NFATC2: variants seen among roughly 807,000 people sequenced by gnomAD.
The protein encoded by NFATC2 is nuclear factor of activated T-cells, cytoplasmic 2.
In NFATC2, 22 loss-of-function variants were observed where a neutral mutation model predicts 87.3. That is an observed-to-expected ratio of 0.25 (90% CI 0.18 to 0.36). The LOEUF (loss-of-function observed/expected upper bound fraction) is 0.36, where lower values mean the gene tolerates loss of function less well. NFATC2 is among the 10% of genes least tolerant of loss of function. The probability of loss-of-function intolerance (pLI) is 1.00; values close to 1 mark genes in which losing one functional copy is unlikely to be tolerated. For missense variants in NFATC2, 1,149 were observed against 1,259.1 expected (o/e 0.91, Z 1.32); for synonymous variants, 565 against 542.2 (o/e 1.04, Z -0.58).
At chr20:51,437,004 C>A (rs1983674855) in intron 6 of NFATC2, among the ~76,000 whole-genome samples, 1 of 151,770 alleles carries the variant, frequency 6.6e-6, no homozygotes, top group African/African-American at 2.4e-5. Context: ...CAGCAGACAG[C>A]CTGGATCTCA....
At chr20:51,430,200 A>C (rs1211913469) in intron 9 of NFATC2, among the ~76,000 whole-genome samples, 3 of 152,150 alleles carry the variant, frequency 2.0e-5, no homozygotes, top group Non-Finnish European at 4.4e-5. Context: ...CCCTAGGTGC[A>C]GAGTCAGCTG....
chr20:51,451,257 AG>A (rs1195369995), intron 6 of NFATC2, among the ~76,000 whole-genome samples: 1 of 152,192 alleles, frequency 6.6e-6, no homozygotes, highest in Non-Finnish European at 1.5e-5. Context: ...GCTGAGACGC[AG>A]AGGGGAAGGC....
At chr20:51,456,977 CCAACCCCAGCT>C (rs1297403964) in intron 5 of NFATC2, among the ~76,000 whole-genome samples, 2 of 152,228 alleles carry the variant, frequency 1.3e-5, no homozygotes, top group African/African-American at 4.8e-5. Flanking sequence ...ATGGCTTTTC[CCAACCCCAGCT>C]CAGCCCAGGC....
At chr20:51,461,507 T>TG (rs568474942) in intron 5 of NFATC2, among the ~76,000 whole-genome samples, 3 of 152,064 alleles carry the variant, frequency 2.0e-5, no homozygotes, top group African/African-American at 4.8e-5. Context: ...TAAAGTGGCT[T>TG]GGGGGGGCTC....
At chr20:51,451,544 G>T (rs1023265293) in intron 6 of NFATC2, among the ~76,000 whole-genome samples, 7 of 152,218 alleles carry the variant, frequency 4.6e-5, no homozygotes, top group African/African-American at 1.7e-4. Context: ...CAATAATGCT[G>T]AGGCTAAAAA....
At chr20:51,397,756 G>A (rs527343380) in intron 10 of NFATC2, among the ~76,000 whole-genome samples, 2 of 152,250 alleles carry the variant, frequency 1.3e-5, no homozygotes, top group African/African-American at 4.8e-5. Flanking sequence ...CCATCCTCTG[G>A]CAATCATGCT....
chr20:51,487,831 A>G (rs1382641959), intron 3 of NFATC2, among the ~76,000 whole-genome samples: 1 of 151,632 alleles, frequency 6.6e-6, no homozygotes, highest in African/African-American at 2.4e-5. Context: ...AGGAGAAGGC[A>G]GACGTGATGT....
intron 6 of NFATC2, among the ~76,000 whole-genome samples, chr20:51,436,772 T>A (rs2146357340): frequency 6.6e-6 from 1 of 152,168 alleles, no homozygotes. Flanking sequence ...GTAAATAATT[T>A]TAAAAAGCAT....
At chr20:51,459,988 G>GA in intron 5 of NFATC2, among the ~76,000 whole-genome samples, 1 of 152,172 alleles carries the variant, frequency 6.6e-6, no homozygotes, top group Non-Finnish European at 1.5e-5. Flanking sequence ...TTGCATACTT[G>GA]AAAATAGCTA....
chr20:51,548,238 TA>T (rs1329074771), intron 1 of NFATC2, among the ~76,000 whole-genome samples: 1 of 152,154 alleles, frequency 6.6e-6, no homozygotes. Flanking sequence ...GCCTGGCCAC[TA>T]CCTTACTTTG....
At chr20:51,461,487 T>C (rs1185558570) in intron 5 of NFATC2, among the ~76,000 whole-genome samples, 1 of 152,250 alleles carries the variant, frequency 6.6e-6, no homozygotes, top group Non-Finnish European at 1.5e-5. Flanking sequence ...CCCTGGATTC[T>C]GGCACGTCAT....
intron 3 of NFATC2, among the ~76,000 whole-genome samples, chr20:51,499,175 G>A (rs2076039496): frequency 6.6e-6 from 1 of 152,186 alleles, no homozygotes; most frequent in Admixed American, 6.5e-5. Flanking sequence ...GTAGACCAAG[G>A]TACACTCTGA....
intron 5 of NFATC2, among the ~76,000 whole-genome samples, chr20:51,465,711 A>T (rs776059580): frequency 2.8e-4 from 42 of 151,954 alleles, no homozygotes; most frequent in Admixed American, 8.5e-4. Flanking sequence ...CAACATGGTG[A>T]TGTTGCTGTT....
chr20:51,548,423 T>C (rs964224322), intron 1 of NFATC2, among the ~76,000 whole-genome samples: 1 of 152,222 alleles, frequency 6.6e-6, no homozygotes, highest in Non-Finnish European at 1.5e-5. Flanking sequence ...TTCCTTTCAC[T>C]TGAATGCAGT....
Position 51,560,202 on chromosome 20 carries a change from A to G in NFATC2, c.70+2358T>C, listed in dbSNP as rs116984377. Among the ~76,000 whole-genome samples, 1,030 of 152,270 alleles carry G rather than the reference A, an allele frequency of 6.8e-3. 6 individuals carry two copies. The highest frequency in any genetic ancestry group is 0.011 in the Non-Finnish European group (737 of 68,028). On this transcript the variant is annotated intron_variant, in intron 1 of 10. Coordinates refer to the NFATC2 transcript ENST00000414705. ...TCTGTTTTACCTCATTGAATCTCAT[A>G]ACAACCCTGGAAGAGAGACATAATT...
At chr20:51,391,554 G>C in intron 10 of NFATC2, 103 bp from the exon 11 acceptor site, 2 of 1,229,610 alleles carry the variant, frequency 1.6e-6, no homozygotes, top group Non-Finnish European at 2.3e-6. Flanking sequence ...TTGGGCTATT[G>C]ATTTTTGAGA....
intron 2 of NFATC2, among the ~76,000 whole-genome samples, chr20:51,517,676 G>C (rs2076375474): frequency 6.6e-6 from 1 of 152,058 alleles, no homozygotes; most frequent in Non-Finnish European, 1.5e-5. Context: ...CAACACTATG[G>C]GAGGCTGAGG....
chr20:51,435,184 T>C lies in NFATC2; in HGVS notation c.2032+4A>G, dbSNP rs1440032989. The C allele has an allele frequency of 6.2e-7, 1 of 1,614,010 alleles. No individual in the cohort carries two copies. The highest frequency in any genetic ancestry group is 2.2e-5 in the East Asian group (1 of 44,866). ...ACAAAGGGGTCATCAGAAACACTCC[T>C]TACCTGGGTGGTAGGTAAAGTGCTG... On this transcript the variant is annotated splice_donor_region_variant and intron_variant, in intron 8 of 10. Coordinates refer to ENST00000371564, the MANE Select transcript of NFATC2 (RefSeq NM_012340.5).
At chr20:51,552,310 C>CTG (rs1298831473) in intron 1 of NFATC2, among the ~76,000 whole-genome samples, 2 of 151,014 alleles carry the variant, frequency 1.3e-5, no homozygotes, top group African/African-American at 5.0e-5. Flanking sequence ...GTATGTGTGT[C>CTG]TGTGTGTGTA....
Sources: gnomAD v4.1 joint callset for allele counts (sites outside exome capture counted in the v4.1 genomes callset) on GRCh38, gnomAD v4.1.1 for gene constraint, MANE v1.5 for transcripts, NCBI Gene and HGNC (gene_info 2026-07-23, HGNC 2026-07-21) for gene names.